CACNA1D: variants seen among roughly 807,000 people sequenced by gnomAD.
CACNA1D encodes the protein voltage-dependent L-type calcium channel subunit alpha-1D.
CACNA1D carries 55 observed loss-of-function variants against 257.1 expected under a neutral mutation model. The ratio of observed to expected loss-of-function variants is 0.21; its 90% CI spans 0.17 to 0.27. CACNA1D has a LOEUF of 0.27. Among genes scored for constraint, CACNA1D ranks in the 10% least tolerant of loss-of-function variants. CACNA1D has a pLI of 1.00. For synonymous variants in CACNA1D, 980 were observed against 1,014.9 expected (o/e 0.97, Z 0.65); for missense variants, 1,876 against 2,784.0 (o/e 0.67, Z 7.34).
chr3:53,730,402 C>A, intron 15 of CACNA1D, 40 bp from the exon 16 acceptor site: 1 of 1,348,308 alleles, frequency 7.4e-7, no homozygotes, highest in Non-Finnish European at 1.1e-6. Flanking sequence ...CACGTAGTTG[C>A]ATTTAGTAGT....
chr3:53,787,033 C>A (rs754712568), intron 40 of CACNA1D, 81 bp downstream of exon 40: 40 of 1,422,432 alleles, frequency 2.8e-5, no homozygotes, highest in Non-Finnish European at 3.6e-5. Context: ...GCTGCCTATT[C>A]ATGGTTGAGC....
At chr3:53,589,930 C>T (rs2093278492) in intron 3 of CACNA1D, among the ~76,000 whole-genome samples, 2 of 152,202 alleles carry the variant, frequency 1.3e-5, no homozygotes, top group Non-Finnish European at 2.9e-5. Context: ...TTAGTGTGCT[C>T]CTCACCAGCC....
At chr3:53,752,898 A>G (rs2108887336) in intron 28 of CACNA1D, among the ~76,000 whole-genome samples, 2 of 152,370 alleles carry the variant, frequency 1.3e-5, no homozygotes, top group South Asian at 4.1e-4. Context: ...TTAATTGGCC[A>G]AGTCAGATTA....
intron 3 of CACNA1D, among the ~76,000 whole-genome samples, chr3:53,633,201 C>G (rs1464537645): frequency 6.6e-6 from 1 of 152,182 alleles, no homozygotes; most frequent in Admixed American, 6.5e-5. Context: ...GATTAGAAAA[C>G]CAAGGCAAGG....
At chr3:53,772,719 G>C in intron 32 of CACNA1D, 114 bp from the exon 33 acceptor site, 2 of 788,552 alleles carry the variant, frequency 2.5e-6, no homozygotes, top group Non-Finnish European at 4.5e-6. Context: ...TTCTTTCACG[G>C]TAACACGTGG....
At chr3:53,705,544 A>G (rs554494688) in intron 9 of CACNA1D, among the ~76,000 whole-genome samples, 2 of 152,214 alleles carry the variant, frequency 1.3e-5, no homozygotes, top group Non-Finnish European at 2.9e-5. Flanking sequence ...GATCCAGAAT[A>G]GCAAATATTT....
At chr3:53,511,689 G>A (rs1161529208) in intron 3 of CACNA1D, among the ~76,000 whole-genome samples, 1 of 152,126 alleles carries the variant, frequency 6.6e-6, no homozygotes. Flanking sequence ...TAGGATGAAA[G>A]CTGGGAAGAT....
At position 53,723,385 on chromosome 3, in the gene CACNA1D, G is replaced by T; in HGVS notation, c.1667-49G>T. 7.2e-7 allele frequency: 1 copy of T among 1,380,704 alleles called. No homozygotes were observed. Among genetic ancestry groups the T allele is most frequent in the South Asian group, 1.2e-5 (1 of 86,330 alleles). The allele number at this position is 1,380,704 out of a possible 1,614,324, so 85.5% of individuals were successfully genotyped here. Reference sequence around the variant, plus strand: ...GAGGTGTGAGGGGCACGAGCAGTCTGAGTGTCTTGCAGGAGACCCTGAGGA... The same window carrying T: ...GAGGTGTGAGGGGCACGAGCAGTCTTAGTGTCTTGCAGGAGACCCTGAGGA... On this transcript the variant is annotated intron_variant, in intron 12 of 47. Coordinates refer to ENST00000350061, the MANE Select transcript of CACNA1D (RefSeq NM_001128840.3). This position sits in a 1 kb window ranked among gnomAD's most constrained non-coding sequence, Gnocchi z 5.6.
At chr3:53,521,010 T>C (rs2091554676) in intron 3 of CACNA1D, among the ~76,000 whole-genome samples, 1 of 151,628 alleles carries the variant, frequency 6.6e-6, no homozygotes, top group African/African-American at 2.4e-5. Flanking sequence ...CTTCTTTTTT[T>C]CTTTCTTTCC....
chr3:53,730,018 A>C (rs1001120018), intron 15 of CACNA1D, among the ~76,000 whole-genome samples: 5 of 152,138 alleles, frequency 3.3e-5, no homozygotes, highest in African/African-American at 1.2e-4. Flanking sequence ...CACTCCCCTG[A>C]ATATATATGT....
intron 3 of CACNA1D, among the ~76,000 whole-genome samples, chr3:53,649,918 A>C (rs1021519001): frequency 1.3e-5 from 2 of 152,210 alleles, no homozygotes; most frequent in Non-Finnish European, 2.9e-5. Context: ...GAAGGAGTCA[A>C]AGTTTTTAGA....
chr3:53,810,388 CGGCCAGG>C, intron 47 of CACNA1D, 90 bp downstream of exon 47: 5 of 1,304,752 alleles, frequency 3.8e-6, no homozygotes, highest in Non-Finnish European at 5.6e-6. Context: ...GGTGGGAGGG[CGGCCAGG>C]CTGTGAGCTA....
At chr3:53,757,473 C>T (rs2095272733) in intron 29 of CACNA1D, among the ~76,000 whole-genome samples, 1 of 152,172 alleles carries the variant, frequency 6.6e-6, no homozygotes. Context: ...CTCTCCTGAG[C>T]TTCTATGCCT....
At position 53,495,983 on chromosome 3, in the gene CACNA1D, C is replaced by G. The variant is rs1328074193; in HGVS notation, c.67+750C>G. Among the ~76,000 whole-genome samples, 1 of 152,252 alleles carries G rather than the reference C, an allele frequency of 6.6e-6. No homozygotes were observed. Among genetic ancestry groups the G allele is most frequent in the Non-Finnish European group, 1.5e-5 (1 of 68,038 alleles). ...TTGGAGACCGCCAGTGCCCCCCAACCCCTGTCGGCTGGAAGCCTTTCCGGG... is the reference window on the plus strand; with the variant it reads ...TTGGAGACCGCCAGTGCCCCCCAACGCCTGTCGGCTGGAAGCCTTTCCGGG... On this transcript the variant is annotated intron_variant, in intron 1 of 47. Transcript: ENST00000350061. This position sits in a 1 kb window ranked among gnomAD's most constrained non-coding sequence, Gnocchi z 5.1.
intron 3 of CACNA1D, among the ~76,000 whole-genome samples, chr3:53,525,402 G>T (rs1333198460): frequency 6.6e-6 from 1 of 152,138 alleles, no homozygotes; most frequent in Non-Finnish European, 1.5e-5. Context: ...GAAATAAAGG[G>T]CTAGATCAGG....
intron 20 of CACNA1D, 81 bp from the exon 21 acceptor site, chr3:53,740,199 C>CG: frequency 1.0e-6 from 1 of 994,340 alleles, no homozygotes; most frequent in Admixed American, 1.7e-5. Context: ...CTGACTGGAT[C>CG]GGGGGTTTCT....
At chr3:53,584,446 G>T (rs2093181457) in intron 3 of CACNA1D, among the ~76,000 whole-genome samples, 1 of 152,202 alleles carries the variant, frequency 6.6e-6, no homozygotes, top group Non-Finnish European at 1.5e-5. Context: ...TCTAAAACCT[G>T]CAGAACCTTT....
At chr3:53,714,234 G>T (rs1246606408) in intron 9 of CACNA1D, among the ~76,000 whole-genome samples, 1 of 152,178 alleles carries the variant, frequency 6.6e-6, no homozygotes, top group East Asian at 1.9e-4. Context: ...TACAGTAGGG[G>T]ACTGGCACTT....
chr3:53,733,072 G>A, intron 19 of CACNA1D, 110 bp downstream of exon 19: 2 of 1,049,132 alleles, frequency 1.9e-6, no homozygotes, highest in South Asian at 1.4e-5. Flanking sequence ...AGCCCTTTCT[G>A]AACCTGAGTG....
Sources: allele counts gnomAD v4.1 joint callset (sites outside exome capture counted in the v4.1 genomes callset), GRCh38; gene constraint gnomAD v4.1.1; non-coding constraint Gnocchi (gnomAD v3.1); transcripts MANE v1.5; gene names NCBI Gene and HGNC (gene_info 2026-07-23, HGNC 2026-07-21).